The following MAP2K4 variants were observed in gnomAD, a reference collection of about 807,000 sequenced individuals.
MAP2K4 encodes the protein mitogen-activated protein kinase kinase 4.
A neutral mutation model predicts 48.5 loss-of-function variants in MAP2K4; 4 were observed. That is an observed-to-expected ratio of 0.08 (90% confidence interval 0.04 to 0.19). The LOEUF (loss-of-function observed/expected upper bound fraction) is 0.19. Among genes scored for constraint, MAP2K4 ranks in the 10% least tolerant of loss-of-function variants. The pLI, the probability that MAP2K4 is intolerant of heterozygous loss-of-function variation, is 1.00. For missense variants in MAP2K4, 258 were observed against 493.3 expected (o/e 0.52, Z 4.52); for synonymous variants, 166 against 173.1 (o/e 0.96, Z 0.32).
chr17:12,112,399 G>A (rs1434601333), intron 6 of MAP2K4, among the ~76,000 whole-genome samples: 1 of 147,896 alleles, frequency 6.8e-6, no homozygotes. Context: ...GGAGGCGGAG[G>A]TTGCAGTGAG....
rs529009455 is a variant in MAP2K4 at position 12,107,776 on chromosome 17, T to C, written c.514-14T>C. ...TAAGATGTATAAGAATAACAGATAT[T>C]TGTTATTTTATAGGGTGACTGTTGG... is the stretch of plus-strand genomic sequence containing the variant. On this transcript the variant is annotated splice_polypyrimidine_tract_variant and intron_variant, in intron 4 of 10. Transcript: ENST00000353533. 2 of 1,563,228 alleles carry C rather than the reference T, an allele frequency of 1.3e-6. No homozygotes were observed. Among genetic ancestry groups the C allele is most frequent in the Admixed American group, 4.0e-5 (2 of 50,308 alleles).
chr17:12,111,670 G>T (rs1482387641), intron 6 of MAP2K4, among the ~76,000 whole-genome samples: 1 of 152,112 alleles, frequency 6.6e-6, no homozygotes, highest in Non-Finnish European at 1.5e-5. Context: ...TAAATGAAGT[G>T]ATGAGTTTAT....
intron 7 of MAP2K4, chr17:12,115,815 AC>A: frequency 1.4e-6 from 1 of 726,768 alleles, no homozygotes; most frequent in South Asian, 1.4e-5. Flanking sequence ...AGCTCTGCTG[AC>A]AGGAGCTGCA....
chr17:12,135,509 G>A (rs1173434979), intron 9 of MAP2K4, among the ~76,000 whole-genome samples: 1 of 152,204 alleles, frequency 6.6e-6, no homozygotes, highest in African/African-American at 2.4e-5. Context: ...TGGGATTACA[G>A]TGGCGTGAGC....
At chr17:12,091,629 T>C (rs1368887083) in intron 3 of MAP2K4, among the ~76,000 whole-genome samples, 1 of 152,202 alleles carries the variant, frequency 6.6e-6, no homozygotes, top group Non-Finnish European at 1.5e-5. Flanking sequence ...ACTGGGAATG[T>C]AATCTTTTTT....
intron 2 of MAP2K4, among the ~76,000 whole-genome samples, chr17:12,076,832 T>TA (rs1478322228): frequency 6.6e-6 from 1 of 150,702 alleles, no homozygotes; most frequent in Non-Finnish European, 1.5e-5. Context: ...ACACCAGAGT[T>TA]ACGGATTTTT....
chr17:12,080,076 A>G (rs1408761603), intron 2 of MAP2K4, among the ~76,000 whole-genome samples: 1 of 152,214 alleles, frequency 6.6e-6, no homozygotes, highest in Admixed American at 6.5e-5. Context: ...AAGTGTATGA[A>G]TCTTTGAAGT....
chr17:12,092,992 C>T (rs1279962843), intron 3 of MAP2K4, among the ~76,000 whole-genome samples: 2 of 152,144 alleles, frequency 1.3e-5, no homozygotes, highest in Non-Finnish European at 2.9e-5. Flanking sequence ...CGCCACTGCA[C>T]TCCGGCCTGG....
At chr17:12,113,771 T>G (rs1190002982) in intron 7 of MAP2K4, among the ~76,000 whole-genome samples, 2 of 152,052 alleles carry the variant, frequency 1.3e-5, no homozygotes, top group Non-Finnish European at 2.9e-5. Flanking sequence ...TGTTAGTCCT[T>G]TTTTTTAGGG....
At chr17:12,101,691 C>G (rs1567660641) in intron 4 of MAP2K4, among the ~76,000 whole-genome samples, 2 of 152,052 alleles carry the variant, frequency 1.3e-5, no homozygotes, top group African/African-American at 4.8e-5. Context: ...TTTACATCTT[C>G]TTTAATTTTT....
intron 6 of MAP2K4, among the ~76,000 whole-genome samples, chr17:12,110,967 G>C (rs984184665): frequency 6.6e-6 from 1 of 152,170 alleles, no homozygotes; most frequent in African/African-American, 2.4e-5. Context: ...ATTTGATGTA[G>C]TTGAAGGCCA....
At chr17:12,129,415 T>G in intron 9 of MAP2K4, 128 bp downstream of exon 9, 1 of 1,050,770 alleles carries the variant, frequency 9.5e-7, no homozygotes, top group Non-Finnish European at 1.4e-6. Context: ...CTTTTCAAGC[T>G]GGGACTCTGG....
rs551297905 is a variant in MAP2K4, at chr17:12,143,656, A to T, written c.*2396A>T. On this transcript the variant is annotated 3_prime_UTR_variant, in exon 11 of 11. Coordinates refer to ENST00000353533, the MANE Select transcript of MAP2K4 (RefSeq NM_003010.4). ...TTCCTCCTCTATTTAAGATATATAC[A>T]TGGAATCGAAGTGTTTATGTAATAG... 4.3e-6 allele frequency: 1 copy of T among 230,924 alleles called. No homozygotes were observed. The highest frequency in any genetic ancestry group is 1.8e-4 in the South Asian group (1 of 5,510). The allele number at this position is 230,924 out of a possible 1,614,324, so 14.3% of individuals were successfully genotyped here. A position where few individuals can be genotyped will look rare whatever the true frequency, so the allele number is the denominator to read the frequency against.
chr17:12,036,294 A>G (rs1969596465), intron 1 of MAP2K4, among the ~76,000 whole-genome samples: 1 of 152,184 alleles, frequency 6.6e-6, no homozygotes. Context: ...GTAGAGTTAT[A>G]AGTGTAGAGG....
Position 12,129,139 on chromosome 17 carries a change from T to C in MAP2K4, c.892T>C (p.Tyr298His), listed in dbSNP as rs1972948963. 1 of 1,613,460 alleles carries C rather than the reference T, an allele frequency of 6.2e-7. No individual in the cohort carries two copies. The highest frequency in any genetic ancestry group is 1.1e-5 in the South Asian group (1 of 91,056). ...GCTCTTTCCTCTTTGTTCTCTTTAG[T>C]ATGAGTTGGCCACAGGCCGATTTCC... ...SDVWSLGITL[Y>H]ELATGRFPYP... Residue 298 changes from tyrosine to histidine, a missense_variant and splice_region_variant, in exon 9 of 11, where the codon TAT (tyrosine) becomes CAT (histidine). Tyr to His is a moderately conservative substitution (Grantham distance 83, BLOSUM62 2). Around this residue, in one of 3 missense-constraint regions of MAP2K4, gnomAD observed 132 missense variants for 352.8 expected, o/e 0.37. Coordinates refer to ENST00000353533, the MANE Select transcript of MAP2K4 (RefSeq NM_003010.4).
At chr17:12,037,434 T>G (rs1395663051) in intron 1 of MAP2K4, among the ~76,000 whole-genome samples, 1 of 152,178 alleles carries the variant, frequency 6.6e-6, no homozygotes, top group African/African-American at 2.4e-5. Context: ...GGTTAAGTTG[T>G]TCTGCATTTA....
At chr17:12,119,063 A>G (rs1972590870) in intron 7 of MAP2K4, among the ~76,000 whole-genome samples, 2 of 152,230 alleles carry the variant, frequency 1.3e-5, no homozygotes, top group Admixed American at 1.3e-4. Flanking sequence ...TTTATTGACT[A>G]ATGATGAAAT....
intron 2 of MAP2K4, chr17:12,069,879 G>A (rs1970730478): frequency 3.3e-6 from 1 of 305,820 alleles, no homozygotes; most frequent in African/African-American, 3.3e-5. Context: ...TCCTGTCTAA[G>A]GAAGATTAGT....
intron 2 of MAP2K4, among the ~76,000 whole-genome samples, chr17:12,060,254 T>C (rs1268490584): frequency 6.6e-6 from 1 of 152,194 alleles, no homozygotes; most frequent in Non-Finnish European, 1.5e-5. Flanking sequence ...GTTGTCGTTA[T>C]CTCTGTGTCC....
Sources: allele counts gnomAD v4.1 joint callset (sites outside exome capture counted in the v4.1 genomes callset), GRCh38; gene constraint gnomAD v4.1.1; regional missense constraint gnomAD v4.1.1; transcripts MANE v1.5; gene names NCBI Gene and HGNC (gene_info 2026-07-23, HGNC 2026-07-21).